The following CDKAL1 variants were observed in gnomAD, a reference collection of about 807,000 sequenced individuals.
CDKAL1 encodes threonylcarbamoyladenosine tRNA methylthiotransferase.
A neutral mutation model predicts 68.2 loss-of-function variants in CDKAL1; 32 were observed. The ratio of observed to expected loss-of-function variants is 0.47; its 90% CI spans 0.35 to 0.63. CDKAL1 has a LOEUF of 0.63. Ranked by LOEUF, CDKAL1 falls within the 30% of genes least tolerant of loss-of-function variation. The pLI is 0.00. For synonymous variants in CDKAL1, 234 were observed against 244.3 expected, an observed-to-expected ratio of 0.96 and a Z score of 0.39; for missense variants, 606 against 696.7, an observed-to-expected ratio of 0.87 and a Z score of 1.47.
intron 8 of CDKAL1, among the ~76,000 whole-genome samples, chr6:20,825,867 C>A (rs1480409699): frequency 6.6e-6 from 1 of 152,048 alleles, no homozygotes; most frequent in Non-Finnish European, 1.5e-5. Context: ...CCCCTGTAGT[C>A]TTATTAAGGC....
chr6:20,693,988 T>C (rs1224461882), intron 5 of CDKAL1, among the ~76,000 whole-genome samples: 2 of 151,256 alleles, frequency 1.3e-5, no homozygotes, highest in Non-Finnish European at 2.9e-5. Flanking sequence ...TCCTCCCACT[T>C]CAGCCTCCCG....
At chr6:20,568,753 A>AAAAAAAAAAAAAAAAAAC (rs1561931956) in intron 4 of CDKAL1, among the ~76,000 whole-genome samples, 5 of 127,510 alleles carry the variant, frequency 3.9e-5, no homozygotes, top group East Asian at 2.1e-4. Context: ...AAAAAAAACA[A>AAAAAAAAAAAAAAAAAAC]AAAAACAAAA....
intron 8 of CDKAL1, among the ~76,000 whole-genome samples, chr6:20,824,582 C>T (rs912397773): frequency 1.3e-5 from 2 of 152,186 alleles, no homozygotes; most frequent in Admixed American, 6.5e-5. Flanking sequence ...ATGTGGCCTG[C>T]TCCATAGGGC....
Position 20,782,536 on chromosome 6 carries a change from C to T in CDKAL1, c.638+1271C>T, listed in dbSNP as rs575781950. Among the ~76,000 whole-genome samples, 3 of 152,326 alleles carry T rather than the reference C, an allele frequency of 2.0e-5. No individual in the cohort carries two copies. In the East Asian group the frequency reaches 5.8e-4, roughly 29 times the overall value. On this transcript the variant is annotated intron_variant, in intron 8 of 15. Coordinates refer to ENST00000274695, the MANE Select transcript of CDKAL1 (RefSeq NM_017774.3). ...CAAACATTATAATACTTTCCCGCAA[C>T]TCCTGATTATCCTATTTAAAATTGC...
rs57228197 is a variant in CDKAL1 at position 20,534,740 on chromosome 6, G to A, written c.-50+166G>A. 1.9e-3 allele frequency among the ~76,000 whole-genome samples: 284 copies of A among 152,272 alleles called. 1 individual carries two copies. The highest frequency in any genetic ancestry group is 6.5e-3 in the African/African-American group (268 of 41,534). On this transcript the variant is annotated intron_variant, in intron 1 of 15. Coordinates refer to ENST00000274695, the MANE Select transcript of CDKAL1 (RefSeq NM_017774.3). ...ATGGGGGAATTGGGAGGCAGATGGG[G>A]CTTCCAGGAGCGAGGATAGGGTCGT...
chr6:21,046,571 C>A (rs1770243119), intron 11 of CDKAL1, among the ~76,000 whole-genome samples: 1 of 152,256 alleles, frequency 6.6e-6, no homozygotes, highest in South Asian at 2.1e-4. Context: ...GCTGACAGGC[C>A]AGCCAGGCGT....
chr6:21,094,592 A>G (rs2150975123), intron 12 of CDKAL1, among the ~76,000 whole-genome samples: 1 of 152,354 alleles, frequency 6.6e-6, no homozygotes, highest in East Asian at 1.9e-4. Context: ...AAAAGAAGCA[A>G]AAAGAACATG....
At chr6:20,983,128 A>G (rs1362078359) in intron 10 of CDKAL1, among the ~76,000 whole-genome samples, 1 of 152,198 alleles carries the variant, frequency 6.6e-6, no homozygotes, top group Non-Finnish European at 1.5e-5. Context: ...AAGTGAAAAC[A>G]ATTTAAGTAG....
intron 7 of CDKAL1, 143 bp from the exon 8 acceptor site, chr6:20,781,002 A>G: frequency 1.3e-6 from 1 of 779,710 alleles, no homozygotes; most frequent in Non-Finnish European, 2.0e-6. Context: ...AGTATTTCTG[A>G]AGTTTAAATG....
chr6:20,694,042 T>TTGTGTGTGTGTGTGTATATGTGTGTGTG (rs1261180037), intron 5 of CDKAL1, among the ~76,000 whole-genome samples: 73 of 114,392 alleles, frequency 6.4e-4, no homozygotes, highest in African/African-American at 2.7e-3. Context: ...CCGGCTAACT[T>TTGTGTGTGTGTGTGTATATGTGTGTGTG]TGTGTGTGTG....
intron 9 of CDKAL1, among the ~76,000 whole-genome samples, chr6:20,903,419 A>G (rs1762096673): frequency 6.6e-6 from 1 of 152,224 alleles, no homozygotes; most frequent in Non-Finnish European, 1.5e-5. Context: ...ATTGAATATT[A>G]GTAATACATA....
In CDKAL1 at chr6:20,549,450, T is replaced by A. The variant is rs1229376413; in HGVS notation, c.286+745T>A. ...TCACTGTTTTTCTCATTACAACTAA[T>A]AAACATCCTATTTCTCCTCAACCTT... On this transcript the variant is annotated intron_variant, in intron 4 of 15. Coordinates refer to ENST00000274695, the MANE Select transcript of CDKAL1 (RefSeq NM_017774.3). Among the ~76,000 whole-genome samples the A allele has an allele frequency of 3.3e-5, 5 of 152,150 alleles. No homozygotes were observed. In the East Asian group the frequency reaches 9.6e-4, roughly 29 times the overall value.
intron 13 of CDKAL1, among the ~76,000 whole-genome samples, chr6:21,114,247 CAA>C (rs55859447): frequency 1.3e-3 from 131 of 101,702 alleles, no homozygotes; most frequent in Middle Eastern, 5.0e-3. Context: ...GACTCTGTCT[CAA>C]AAAAAAAAAA....
chr6:21,225,444 T>C (rs1202195299), intron 15 of CDKAL1, among the ~76,000 whole-genome samples: 1 of 152,116 alleles, frequency 6.6e-6, no homozygotes, highest in Non-Finnish European at 1.5e-5. Flanking sequence ...GTGTTGGTAG[T>C]AAGTGCTGTG....
intron 5 of CDKAL1, among the ~76,000 whole-genome samples, chr6:20,676,425 T>A (rs1331161298): frequency 1.3e-5 from 2 of 152,048 alleles, no homozygotes; most frequent in African/African-American, 4.8e-5. Context: ...CCCAACACTT[T>A]GGGAGGCCGA....
intron 9 of CDKAL1, among the ~76,000 whole-genome samples, chr6:20,946,187 A>G (rs765982863): frequency 8.5e-5 from 13 of 152,116 alleles, no homozygotes; most frequent in Admixed American, 2.6e-4. Context: ...TTCCATTAAC[A>G]CTGGCTCCCA....
chr6:20,576,210 TAC>T (rs1437683576), intron 4 of CDKAL1, among the ~76,000 whole-genome samples: 1 of 152,222 alleles, frequency 6.6e-6, no homozygotes, highest in Non-Finnish European at 1.5e-5. Context: ...GTAAACATGT[TAC>T]ACAGTTACTC....
At chr6:21,198,768 A>G (rs1778569715) in intron 14 of CDKAL1, among the ~76,000 whole-genome samples, 1 of 152,270 alleles carries the variant, frequency 6.6e-6, no homozygotes, top group Admixed American at 6.5e-5. Flanking sequence ...TTCCCTGGCC[A>G]TCTAAGTTGG....
chr6:20,550,279 G>A (rs1390857374), intron 4 of CDKAL1, among the ~76,000 whole-genome samples: 2 of 152,200 alleles, frequency 1.3e-5, no homozygotes, highest in East Asian at 1.9e-4. Context: ...CACCTGGCCC[G>A]TCTTAGTTAT....
Sources: allele counts gnomAD v4.1 joint callset (sites outside exome capture counted in the v4.1 genomes callset), GRCh38; gene constraint gnomAD v4.1.1; transcripts MANE v1.5; gene names NCBI Gene and HGNC (gene_info 2026-07-23, HGNC 2026-07-21).